Variants in IFT57 observed in about 807,000 individuals in gnomAD.
IFT57 encodes the protein intraflagellar transport 57, also known as intraflagellar transport protein 57 homolog.
A neutral mutation model predicts 56.8 loss-of-function variants in IFT57; 59 were observed. The observed-to-expected ratio is 1.04, with a 90% CI of 0.84 to 1.29. The LOEUF is 1.29. Among genes scored for constraint, IFT57 ranks in the 50% most tolerant of loss-of-function variants. The pLI is 0.00. For missense variants in IFT57, 470 were observed against 522.1 expected, an observed-to-expected ratio of 0.90 and a Z score of 0.97; for synonymous variants, 209 against 186.1, an observed-to-expected ratio of 1.12 and a Z score of -1.00.
Position 108,222,261 on chromosome 3 carries a change from C to T in IFT57, c.62G>A (p.Arg21His). Residue 21 changes from arginine (R) to histidine (H), a missense_variant, in exon 1 of 11, where the codon CGT (arginine) becomes CAT (histidine). Coordinates refer to ENST00000264538, the MANE Select transcript of IFT57 (RefSeq NM_018010.4). ...SGLEDGVPRS[R>H]GEGTGEVVLE... Reference sequence around the variant, plus strand: ...GACCACTTCCCCGGTCCCTTCGCCACGGGACCTAGGCACCCCATCTTCCAA... The same window carrying T: ...GACCACTTCCCCGGTCCCTTCGCCATGGGACCTAGGCACCCCATCTTCCAA... 7 of 1,614,068 alleles carry T rather than the reference C, an allele frequency of 4.3e-6. No homozygotes were observed. Among genetic ancestry groups the T allele is most frequent in the Non-Finnish European group, 4.2e-6 (5 of 1,180,022 alleles).
At chr3:108,203,900 C>T (rs188334159) in intron 5 of IFT57, among the ~76,000 whole-genome samples, 12 of 152,194 alleles carry the variant, frequency 7.9e-5, no homozygotes, top group Admixed American at 4.6e-4. Context: ...AATCCACACA[C>T]GGCTGGGCTT....
intron 5 of IFT57, among the ~76,000 whole-genome samples, chr3:108,206,320 A>G (rs1041833573): frequency 2.4e-4 from 37 of 151,712 alleles, no homozygotes; most frequent in African/African-American, 8.7e-4. Flanking sequence ...AAAATGGAAA[A>G]TAACTTGAAA....
chr3:108,211,863 C>T (rs966497754), intron 4 of IFT57, among the ~76,000 whole-genome samples: 5 of 152,192 alleles, frequency 3.3e-5, no homozygotes, highest in South Asian at 2.1e-4. Flanking sequence ...TTATTTTTAA[C>T]GTATTTTACA....
chr3:108,169,516 T>C (rs2080081662), intron 6 of IFT57, among the ~76,000 whole-genome samples: 1 of 152,028 alleles, frequency 6.6e-6, no homozygotes, highest in African/African-American at 2.4e-5. Context: ...AATTTTGACT[T>C]TTGTTGCCAT....
chr3:108,211,964 G>T (rs754811475), intron 4 of IFT57, among the ~76,000 whole-genome samples: 4 of 152,058 alleles, frequency 2.6e-5, no homozygotes, highest in Non-Finnish European at 5.9e-5. Flanking sequence ...CAGTAACTTT[G>T]TATTTTTCTT....
In IFT57 at chr3:108,206,066, AATAAT is replaced by A. The variant is rs1342281318; in HGVS notation, c.654+557_654+561del. Among the ~76,000 whole-genome samples the A allele has an allele frequency of 9.5e-5, 10 of 105,578 alleles. No homozygotes were observed. The East Asian group carries it at 2.3e-3, about 25-fold the overall frequency. 69.3% of individuals were successfully genotyped at this position (105,578 alleles called of 152,430 possible). ...TATATATTATATATTATTTATATAT[AATAAT>A]ATATTATATATAAATAATATATATT... On this transcript the variant is annotated intron_variant, in intron 5 of 10. Transcript: ENST00000264538.
intron 5 of IFT57, among the ~76,000 whole-genome samples, chr3:108,197,052 A>T (rs1214672068): frequency 6.6e-6 from 1 of 152,172 alleles, no homozygotes; most frequent in African/African-American, 2.4e-5. Flanking sequence ...TTTAATCAAA[A>T]TTTTATATCA....
intron 4 of IFT57, among the ~76,000 whole-genome samples, chr3:108,210,169 T>C (rs1159502994): frequency 6.6e-6 from 1 of 152,098 alleles, no homozygotes; most frequent in Non-Finnish European, 1.5e-5. Context: ...TGCCAATTAC[T>C]ATGGATATGA....
chr3:108,189,561 A>C (rs1415103614), intron 6 of IFT57, among the ~76,000 whole-genome samples: 2 of 152,174 alleles, frequency 1.3e-5, no homozygotes, highest in Non-Finnish European at 2.9e-5. Context: ...GCTTATGTAC[A>C]ACCTCCTCCA....
chr3:108,167,073 C>T, intron 7 of IFT57, 88 bp from the exon 8 acceptor site: 1 of 1,168,878 alleles, frequency 8.6e-7, no homozygotes, highest in Non-Finnish European at 1.2e-6. Context: ...TCAATCCATT[C>T]TACAAATAAT....
intron 4 of IFT57, among the ~76,000 whole-genome samples, chr3:108,209,288 T>G (rs554040841): frequency 1.3e-4 from 20 of 152,332 alleles, no homozygotes; most frequent in Admixed American, 1.2e-3. Context: ...AATATTTAAG[T>G]GATATCAGGG....
At chr3:108,179,721 T>C (rs944319082) in intron 6 of IFT57, among the ~76,000 whole-genome samples, 4 of 152,034 alleles carry the variant, frequency 2.6e-5, no homozygotes, top group Non-Finnish European at 4.4e-5. Flanking sequence ...TGAGATTGAA[T>C]AACTTTTCTA....
intron 5 of IFT57, among the ~76,000 whole-genome samples, chr3:108,198,993 CT>C (rs548561164): frequency 0.012 from 1,824 of 152,202 alleles, 20 homozygotes; most frequent in Non-Finnish European, 0.02. Context: ...TATTTTCAGA[CT>C]TATAAAAAAT....
intron 5 of IFT57, among the ~76,000 whole-genome samples, chr3:108,193,269 T>G (rs1207336855): frequency 6.6e-6 from 1 of 152,170 alleles, no homozygotes; most frequent in Non-Finnish European, 1.5e-5. Context: ...GGCTTTGAAC[T>G]CACTCCCAAT....
intron 6 of IFT57, among the ~76,000 whole-genome samples, chr3:108,174,908 GC>G (rs1048200147): frequency 4.6e-5 from 7 of 151,830 alleles, no homozygotes; most frequent in African/African-American, 1.7e-4. Flanking sequence ...GTTATTGCAA[GC>G]CACTGTGATT....
rs397808160 is a variant in IFT57, at chr3:108,161,233, T to TA, written c.*1243dup. ...GGTGGGTTTTCTGCCTTTTTTTTTT[T>TA]AAACAAATTAAATAAACTGGCATAT... On this transcript the variant is annotated 3_prime_UTR_variant, in exon 11 of 11. Coordinates refer to ENST00000264538, the MANE Select transcript of IFT57 (RefSeq NM_018010.4). The TA allele has an allele frequency of 1.4e-5, 2 of 145,462 alleles. No homozygotes were observed. The highest frequency in any genetic ancestry group is 2.2e-4 in the South Asian group (1 of 4,592). 9.0% of individuals were successfully genotyped at this position (145,462 alleles called of 1,614,324 possible). A position where few individuals can be genotyped will look rare whatever the true frequency, so the allele number is the denominator to read the frequency against.
chr3:108,218,786 C>T (rs1211154548), intron 2 of IFT57, 133 bp from the exon 3 acceptor site: 1 of 472,128 alleles, frequency 2.1e-6, no homozygotes, highest in South Asian at 4.0e-5. Context: ...AATTACACTG[C>T]TTCATACAAA....
In IFT57 at chr3:108,167,822, C is replaced by T. The variant is rs142034712; in HGVS notation, c.820G>A (p.Gly274Arg). 9.4e-6 allele frequency: 15 copies of T among 1,589,794 alleles called. No homozygotes were observed. The African/African-American group carries it at 1.8e-4, about 19-fold the overall frequency. ...GTCTCCTTTAGAGCAGATTCAATTC[C>T]ACTTCTGTGCTGGTGCATTTGGTCA... ...HVDQMHQHRS[G>R]IESALKETKG... The change falls in exon 7 of 11, where the codon GGA (glycine) becomes AGA (arginine). Residue 274 changes from glycine (G) to arginine (R), a missense_variant. Gly to Arg is a moderately radical substitution (Grantham distance 125). Coordinates refer to ENST00000264538, the MANE Select transcript of IFT57 (RefSeq NM_018010.4).
chr3:108,175,781 TG>T (rs1444174293), intron 6 of IFT57, among the ~76,000 whole-genome samples: 1 of 150,154 alleles, frequency 6.7e-6, no homozygotes, highest in Non-Finnish European at 1.5e-5. Context: ...GTTTACAACT[TG>T]TAAAATACCA....
Sources: allele counts gnomAD v4.1 joint callset (sites outside exome capture counted in the v4.1 genomes callset), GRCh38; gene constraint gnomAD v4.1.1; transcripts MANE v1.5; gene names NCBI Gene and HGNC (gene_info 2026-07-23, HGNC 2026-07-21).